Variants in LRFN2 observed in about 807,000 individuals in gnomAD.
The protein encoded by LRFN2 is leucine rich repeat and fibronectin type III domain containing 2.
LRFN2 carries 18 observed loss-of-function variants against 37.3 expected under a neutral mutation model. The ratio of observed to expected loss-of-function variants is 0.48; its 90% CI spans 0.33 to 0.72. LRFN2 has a LOEUF of 0.72. Ranked by LOEUF, LRFN2 falls within the 30% of genes least tolerant of loss-of-function variation. The pLI is 0.02. For missense variants in LRFN2, 1,006 were observed against 1,060.7 expected, an observed-to-expected ratio of 0.95 and a Z score of 0.72; for synonymous variants, 556 against 466.6, an observed-to-expected ratio of 1.19 and a Z score of -2.47.
chr6:40,580,501 G>A (rs977923816), intron 1 of LRFN2, among the ~76,000 whole-genome samples: 9 of 152,166 alleles, frequency 5.9e-5, no homozygotes, highest in East Asian at 3.8e-4. Flanking sequence ...CGGCAGCTCC[G>A]AAGTGATAGG....
At chr6:40,478,339 C>T (rs61044988) in intron 1 of LRFN2, among the ~76,000 whole-genome samples, 6,180 of 152,238 alleles carry the variant, frequency 0.041, 402 homozygotes, top group African/African-American at 0.14. Flanking sequence ...ATATTAATTG[C>T]CACCATTATC....
At chr6:40,546,737 T>C (rs1210897822) in intron 1 of LRFN2, among the ~76,000 whole-genome samples, 10 of 152,172 alleles carry the variant, frequency 6.6e-5, no homozygotes, top group African/African-American at 4.8e-5. Flanking sequence ...TGTATATGGG[T>C]TCACTACCCT....
At chr6:40,576,070 C>T (rs978559817) in intron 1 of LRFN2, among the ~76,000 whole-genome samples, 5 of 152,168 alleles carry the variant, frequency 3.3e-5, no homozygotes, top group African/African-American at 1.2e-4. Flanking sequence ...CATTAGCCTT[C>T]CTGAGCTACA....
At chr6:40,423,793 T>G (rs1263336869) in intron 2 of LRFN2, among the ~76,000 whole-genome samples, 2 of 152,172 alleles carry the variant, frequency 1.3e-5, no homozygotes, top group Non-Finnish European at 2.9e-5. Flanking sequence ...TCTTTCCTAT[T>G]GCATAAAAGG....
intron 1 of LRFN2, among the ~76,000 whole-genome samples, chr6:40,436,309 G>T (rs1763673885): frequency 6.6e-6 from 1 of 152,164 alleles, no homozygotes; most frequent in African/African-American, 2.4e-5. Context: ...ACCTGTTTTT[G>T]TAAATAAAAT....
intron 1 of LRFN2, among the ~76,000 whole-genome samples, chr6:40,473,942 C>T (rs938463644): frequency 4.6e-5 from 7 of 152,190 alleles, no homozygotes; most frequent in Admixed American, 3.3e-4. Context: ...ACCACTATTA[C>T]ACACTGCCTC....
At chr6:40,396,015 A>T (rs1320251314) in intron 2 of LRFN2, among the ~76,000 whole-genome samples, 1 of 152,104 alleles carries the variant, frequency 6.6e-6, no homozygotes, top group Non-Finnish European at 1.5e-5. Flanking sequence ...AATCTTCTCA[A>T]TATTTAGCCA....
chr6:40,430,180 G>A (rs1447536348), intron 2 of LRFN2, among the ~76,000 whole-genome samples: 3 of 152,188 alleles, frequency 2.0e-5, no homozygotes, highest in Admixed American at 6.5e-5. Flanking sequence ...TCTCCATCCT[G>A]AGATGTGACA....
chr6:40,567,378 G>A (rs1316586709), intron 1 of LRFN2, among the ~76,000 whole-genome samples: 7 of 152,180 alleles, frequency 4.6e-5, no homozygotes, highest in Non-Finnish European at 4.4e-5. Flanking sequence ...ATTATGAGGT[G>A]GGAGGCCCTT....
At chr6:40,546,330 C>T (rs989714691) in intron 1 of LRFN2, among the ~76,000 whole-genome samples, 4 of 152,100 alleles carry the variant, frequency 2.6e-5, no homozygotes, top group South Asian at 2.1e-4. Flanking sequence ...AAAACTTTCC[C>T]GTTGTAACCT....
intron 1 of LRFN2, among the ~76,000 whole-genome samples, chr6:40,506,310 T>C (rs1030826998): frequency 9.2e-5 from 14 of 152,168 alleles, no homozygotes; most frequent in African/African-American, 3.4e-4. Flanking sequence ...TCTGCTCTCT[T>C]TTCATGTGGA....
intron 1 of LRFN2, among the ~76,000 whole-genome samples, chr6:40,472,681 A>G (rs1416588977): frequency 6.6e-6 from 1 of 152,124 alleles, no homozygotes; most frequent in South Asian, 2.1e-4. Context: ...GGGAGATCCT[A>G]CGGGAGCCCT....
intron 1 of LRFN2, among the ~76,000 whole-genome samples, chr6:40,577,117 T>TCTCTTCTCTTCTCTTCTCTTCTCTTCTCC (rs1213623400): frequency 5.4e-5 from 8 of 148,796 alleles, no homozygotes; most frequent in Admixed American, 6.7e-5. Flanking sequence ...TCTTTTCTTT[T>TCTCTTCTCTTCTCTTCTCTTCTCTTCTCC]TAGATATGGA....
chr6:40,578,183 C>T (rs1002253808), intron 1 of LRFN2, among the ~76,000 whole-genome samples: 1 of 152,162 alleles, frequency 6.6e-6, no homozygotes, highest in African/African-American at 2.4e-5. Context: ...TAGAGGGCAG[C>T]CTGCTTCTCC....
rs76776681 is a variant in LRFN2 at position 40,450,051 on chromosome 6, C to T, written c.-18-16920G>A. On this transcript the variant is annotated intron_variant, in intron 1 of 2. Transcript: ENST00000338305. ...AGTAGGCAGAAGGAGCTGACACAGACGCAGGGAACTAGAAAAACTTCAGGA... is the reference window on the plus strand; with the variant it reads ...AGTAGGCAGAAGGAGCTGACACAGATGCAGGGAACTAGAAAAACTTCAGGA... Among the ~76,000 whole-genome samples the T allele has an allele frequency of 4.0e-3, 613 of 152,266 alleles. 9 individuals are homozygous for T. Among genetic ancestry groups the T allele is most frequent in the Admixed American group, 0.021 (322 of 15,296 alleles).
chr6:40,519,128 T>A (rs984494853), intron 1 of LRFN2, among the ~76,000 whole-genome samples: 1 of 152,188 alleles, frequency 6.6e-6, no homozygotes, highest in Non-Finnish European at 1.5e-5. Context: ...AACTCAGTGT[T>A]CACCATAGAT....
chr6:40,398,172 AGGAG>A (rs1410864151), intron 2 of LRFN2, among the ~76,000 whole-genome samples: 1 of 151,738 alleles, frequency 6.6e-6, no homozygotes, highest in African/African-American at 2.4e-5. Flanking sequence ...TCTGCATCGT[AGGAG>A]GACAATCCCA....
intron 2 of LRFN2, among the ~76,000 whole-genome samples, chr6:40,404,512 A>G (rs1296831684): frequency 6.6e-6 from 1 of 152,218 alleles, no homozygotes; most frequent in East Asian, 1.9e-4. Flanking sequence ...TCTGAGTCAT[A>G]ACAGCCAGAT....
At chr6:40,479,840 CA>C (rs1764787745) in intron 1 of LRFN2, among the ~76,000 whole-genome samples, 1 of 152,208 alleles carries the variant, frequency 6.6e-6, no homozygotes, top group African/African-American at 2.4e-5. Context: ...TCCTTCTCTC[CA>C]GCACGCAAGG....
Sources: allele counts gnomAD v4.1 joint callset (sites outside exome capture counted in the v4.1 genomes callset), GRCh38; gene constraint gnomAD v4.1.1; transcripts MANE v1.5; gene names NCBI Gene and HGNC (gene_info 2026-07-23, HGNC 2026-07-21).